ANKRD37: variants seen among roughly 807,000 people sequenced by gnomAD.
ANKRD37 encodes ankyrin repeat domain 37.
In ANKRD37, 17 loss-of-function variants were observed where a neutral mutation model predicts 19.7. The observed-to-expected ratio is 0.86, with a 90% confidence interval of 0.59 to 1.29. The LOEUF is 1.29. Among genes scored for constraint, ANKRD37 ranks in the 50% most tolerant of loss-of-function variants. The probability of loss-of-function intolerance (pLI) is 0.00; values close to 1 mark genes in which losing one functional copy is unlikely to be tolerated. For synonymous variants in ANKRD37, 79 were observed against 74.5 expected (o/e 1.06, Z -0.31); for missense variants, 207 against 190.4 (o/e 1.09, Z -0.51).
intron 2 of ANKRD37, among the ~76,000 whole-genome samples, chr4:185,398,027 G>T (rs1001426187): frequency 6.6e-6 from 1 of 152,124 alleles, no homozygotes; most frequent in East Asian, 1.9e-4. Context: ...GCGCGATCTC[G>T]GCTCACTGCA....
Position 185,400,096 on chromosome 4 carries a change from A to G in ANKRD37, c.*79A>G, listed in dbSNP as rs1173790820. On this transcript the variant is annotated 3_prime_UTR_variant, in exon 5 of 5. Coordinates refer to ENST00000335174, the MANE Select transcript of ANKRD37 (RefSeq NM_181726.4). ...ATAAGCTCCTGCTTTTGGCTTTACC[A>G]TATGTTGTGTCTAATCTCCTTCTGA... 4.5e-6 allele frequency: 6 copies of G among 1,336,428 alleles called. No homozygotes were observed. The highest frequency in any genetic ancestry group is 4.4e-5 in the African/African-American group (3 of 67,528). 82.8% of individuals were successfully genotyped at this position (1,336,428 alleles called of 1,614,324 possible).
At chr4:185,398,828 A>T in intron 2 of ANKRD37, 109 bp from the exon 3 acceptor site, 1 of 769,456 alleles carries the variant, frequency 1.3e-6, no homozygotes, top group Non-Finnish European at 2.1e-6. Context: ...CCTGTCCAGT[A>T]CAATGCAGTT....
chr4:185,398,918 T>G lies in ANKRD37; in HGVS notation c.181-19T>G. Reference sequence around the variant, plus strand: ...AAAGTGTTTTTGGGAGACTCTAAAATGCACCATCTTACCTTAAGGATGTTT... The same window carrying G: ...AAAGTGTTTTTGGGAGACTCTAAAAGGCACCATCTTACCTTAAGGATGTTT... On this transcript the variant is annotated intron_variant, in intron 2 of 4. Transcript: ENST00000335174. The G allele has an allele frequency of 6.2e-7, 1 of 1,606,460 alleles. No homozygotes were observed. The highest frequency in any genetic ancestry group is 2.2e-5 in the East Asian group (1 of 44,734).
intron 4 of ANKRD37, 51 bp from the exon 5 acceptor site, chr4:185,399,966 A>C (rs753511437): frequency 6.3e-7 from 1 of 1,589,776 alleles, no homozygotes; most frequent in Admixed American, 1.8e-5. Flanking sequence ...GTTTGGGGAT[A>C]AAACTCTTTT....
chr4:185,398,112 C>T (rs1297004984), intron 2 of ANKRD37, among the ~76,000 whole-genome samples: 2 of 152,138 alleles, frequency 1.3e-5, no homozygotes, highest in African/African-American at 2.4e-5. Flanking sequence ...CACGCGCCAC[C>T]GTGCCCGGCT....
At chr4:185,399,939 G>A in intron 4 of ANKRD37, 78 bp from the exon 5 acceptor site, 2 of 1,560,266 alleles carry the variant, frequency 1.3e-6, no homozygotes, top group Non-Finnish European at 1.7e-6. Flanking sequence ...GACCAAAAAT[G>A]GGACTGCATG....
In ANKRD37 at chr4:185,397,284, C is replaced by A. The variant is rs748508096; in HGVS notation, c.162C>A (p.Gly54=). ...ACFLLWQLQT[G]ADLNQQDVLG... ...TTCTTCTCTGGCAGCTGCAAACGGG[C>A]GCTGACCTCAACCAGCAGGTAACTA... is the stretch of plus-strand genomic sequence containing the variant. The change falls in exon 2 of 5, where the codon GGC becomes GGA. Residue 54 remains glycine, a synonymous_variant. Coordinates refer to ENST00000335174, the MANE Select transcript of ANKRD37 (RefSeq NM_181726.4). 28 of 1,613,822 alleles carry A rather than the reference C, an allele frequency of 1.7e-5. No individual in the cohort carries two copies. In the South Asian group the frequency reaches 2.5e-4, roughly 15 times the overall value.
intron 3 of ANKRD37, 88 bp from the exon 4 acceptor site, chr4:185,399,482 T>G: frequency 6.9e-7 from 1 of 1,442,050 alleles, no homozygotes; most frequent in East Asian, 2.4e-5. Context: ...AACCAACATT[T>G]GTATGAGCCC....
At chr4:185,397,018 G>C (rs1364278778) in intron 1 of ANKRD37, 68 bp downstream of exon 1, 10 of 1,610,520 alleles carry the variant, frequency 6.2e-6, no homozygotes, top group Admixed American at 5.0e-5. Context: ...TCGTCTTCTC[G>C]TTAATGCGGG....
intron 4 of ANKRD37, 88 bp from the exon 5 acceptor site, chr4:185,399,929 G>T: frequency 6.4e-7 from 1 of 1,554,636 alleles, no homozygotes; most frequent in South Asian, 1.2e-5. Flanking sequence ...AGAGTCTAGA[G>T]ACCAAAAATG....
chr4:185,400,595 T>C, downstream of ANKRD37: 1 of 610,006 alleles, frequency 1.6e-6, no homozygotes, highest in Non-Finnish European at 2.8e-6. Flanking sequence ...AATGGCTTTA[T>C]CATTCAAGGA....
chr4:185,397,333 G>C (rs1451712392), intron 2 of ANKRD37, 31 bp downstream of exon 2: 6 of 1,606,886 alleles, frequency 3.7e-6, no homozygotes, highest in Non-Finnish European at 4.3e-6. Context: ...GTGTACAGCC[G>C]TCCCCTCCAA....
Position 185,399,703 on chromosome 4 carries a change from T to C in ANKRD37, c.406T>C (p.Cys136Arg), listed in dbSNP as rs200765948. The C allele has an allele frequency of 9.1e-5, 147 of 1,614,010 alleles. No individual in the cohort carries two copies. Among genetic ancestry groups the C allele is most frequent in the Non-Finnish European group, 1.2e-4 (139 of 1,180,014 alleles). ...KASEHPDRNDCVAVLRQKRSL... is the reference protein window; with the variant it reads ...KASEHPDRNDRVAVLRQKRSL... The stretch of plus-strand genomic sequence containing the variant: ...AAGTGAACACCCTGACAGGAATGAT[T>C]GTGTTGCCGTGCTCAGACAGAAACG... Residue 136 changes from cysteine to arginine, a missense_variant, in exon 4 of 5, where the codon TGT (cysteine) becomes CGT (arginine). Transcript: ENST00000335174.
chr4:185,398,088 G>C (rs1366780767), intron 2 of ANKRD37, among the ~76,000 whole-genome samples: 1 of 152,168 alleles, frequency 6.6e-6, no homozygotes, highest in Non-Finnish European at 1.5e-5. Flanking sequence ...CTCCCTAGTA[G>C]GTGGGATTAC....
At chr4:185,398,331 G>C (rs2095508266) in intron 2 of ANKRD37, among the ~76,000 whole-genome samples, 1 of 152,160 alleles carries the variant, frequency 6.6e-6, no homozygotes, top group Non-Finnish European at 1.5e-5. Flanking sequence ...AGCTTTTGCA[G>C]CTTACCGAGG....
At position 185,399,382 on chromosome 4, in the gene ANKRD37, C is replaced by T. The variant is rs551643741; in HGVS notation, c.273-188C>T. Among the ~76,000 whole-genome samples the T allele has an allele frequency of 2.1e-4, 32 of 152,266 alleles. No individual in the cohort carries two copies. The South Asian group carries it at 3.5e-3, about 17-fold the overall frequency. ...AACATTCATTCAGAACTGGAATGCC[C>T]GCTCTATGCTGGATTCTGTTAGTTG... is the stretch of plus-strand genomic sequence containing the variant. On this transcript the variant is annotated intron_variant, in intron 3 of 4. Transcript: ENST00000335174.
chr4:185,398,310 C>A (rs2095508226), intron 2 of ANKRD37, among the ~76,000 whole-genome samples: 2 of 151,730 alleles, frequency 1.3e-5, no homozygotes, highest in South Asian at 4.2e-4. Flanking sequence ...AAGAACTAAT[C>A]AAAAATAAAA....
chr4:185,397,809 G>A (rs907933747), intron 2 of ANKRD37: 1 of 152,518 alleles, frequency 6.6e-6, no homozygotes, highest in African/African-American at 2.4e-5. Flanking sequence ...TAGGAGCTAT[G>A]TCCACAAGCA....
chr4:185,399,522 G>C, intron 3 of ANKRD37, 48 bp from the exon 4 acceptor site: 1 of 1,563,178 alleles, frequency 6.4e-7, no homozygotes, highest in East Asian at 2.3e-5. Flanking sequence ...TAAAAAAAAA[G>C]ACTTAAGTTC....
Sources: allele counts gnomAD v4.1 joint callset (sites outside exome capture counted in the v4.1 genomes callset), GRCh38; gene constraint gnomAD v4.1.1; transcripts MANE v1.5; gene names NCBI Gene and HGNC (gene_info 2026-07-23, HGNC 2026-07-21).